The following GRIA3 variants were observed in gnomAD, a reference collection of about 807,000 sequenced individuals.
GRIA3 encodes the protein glutamate ionotropic receptor AMPA type subunit 3, also known as glutamate receptor 3.
Under a neutral mutation model 63.0 loss-of-function variants are expected in GRIA3, and 3 were observed. The observed-to-expected ratio is 0.05, with a 90% CI of 0.02 to 0.12. The LOEUF is 0.12. GRIA3 is among the 10% of genes least tolerant of loss of function. The pLI, the probability that GRIA3 is intolerant of heterozygous loss-of-function variation, is 1.00. For synonymous variants in GRIA3, 274 were observed against 257.9 expected, an observed-to-expected ratio of 1.06 and a Z score of -0.60; for missense variants, 347 against 700.9, an observed-to-expected ratio of 0.50 and a Z score of 5.70.
At chrX:123,283,368 G>A (rs1263694570) in intron 3 of GRIA3, among the ~76,000 whole-genome samples, 1 of 111,272 alleles carries the variant, frequency 9.0e-6, no homozygotes, top group Admixed American at 9.5e-5. Context: ...TCATACCCCA[G>A]TGGCATCTGG....
At chrX:123,204,430 A>C in intron 2 of GRIA3, 1 of 1,161,250 alleles carries the variant, frequency 8.6e-7, no homozygotes, top group East Asian at 3.3e-5. Context: ...GATGAGAACA[A>C]GATCACAAGT....
At chrX:123,389,911 T>G (rs561653177) in intron 5 of GRIA3, among the ~76,000 whole-genome samples, 32 of 111,251 alleles carry the variant, frequency 2.9e-4, no homozygotes, top group African/African-American at 9.8e-4. Flanking sequence ...TTTCACCATG[T>G]TAGCCAGGAT....
intron 3 of GRIA3, among the ~76,000 whole-genome samples, chrX:123,321,742 C>T (rs1319374373): frequency 8.9e-6 from 1 of 112,023 alleles, no homozygotes; most frequent in Non-Finnish European, 1.9e-5. Flanking sequence ...ACAGATGAAT[C>T]CCCCAGAAAT....
intron 3 of GRIA3, among the ~76,000 whole-genome samples, chrX:123,303,628 T>G (rs2044737067): frequency 9.1e-6 from 1 of 110,259 alleles, no homozygotes; most frequent in African/African-American, 3.3e-5. Context: ...TTCTTTGCAA[T>G]AAGGCCATGT....
rs372811132 is a variant in GRIA3 at position 123,398,621 on chromosome X, A to T, written c.913-15A>T. On this transcript the variant is annotated splice_polypyrimidine_tract_variant and intron_variant, in intron 6 of 15. Coordinates refer to ENST00000620443, the MANE Select transcript of GRIA3 (RefSeq NM_007325.5). ...CATTTATCATGATATCTTGTTTTTC[A>T]TGCATCCATTTCAGTATACATCTGC... The T allele has an allele frequency of 8.4e-7, 1 of 1,189,571 alleles. No homozygotes were observed. The highest frequency in any genetic ancestry group is 1.1e-6 in the Non-Finnish European group (1 of 876,204).
At chrX:123,193,632 G>T (rs1025695183) in intron 2 of GRIA3, among the ~76,000 whole-genome samples, 11 of 112,075 alleles carry the variant, frequency 9.8e-5, no homozygotes, top group Admixed American at 3.8e-4. Flanking sequence ...AGTGTCATTT[G>T]AGGATCGCAA....
At chrX:123,207,472 C>T (rs776154600) in intron 2 of GRIA3, among the ~76,000 whole-genome samples, 1 of 111,691 alleles carries the variant, frequency 9.0e-6, no homozygotes, top group African/African-American at 3.3e-5. Flanking sequence ...CAGAGAAGAA[C>T]ACAGCCTGGC....
intron 2 of GRIA3, among the ~76,000 whole-genome samples, chrX:123,193,887 G>A (rs1180934718): frequency 2.7e-5 from 3 of 111,186 alleles, no homozygotes; most frequent in Non-Finnish European, 5.7e-5. Flanking sequence ...AAATGACCCA[G>A]AACAAGATAC....
At chrX:123,476,226 A>G (rs1010252467) in intron 13 of GRIA3, among the ~76,000 whole-genome samples, 4 of 112,077 alleles carry the variant, frequency 3.6e-5, no homozygotes, top group African/African-American at 9.7e-5. Flanking sequence ...CATAGGCATA[A>G]ATAATAAGGC....
chrX:123,418,537 C>T (rs968507119), intron 11 of GRIA3, among the ~76,000 whole-genome samples: 2 of 111,661 alleles, frequency 1.8e-5, no homozygotes, highest in Non-Finnish European at 3.8e-5. Context: ...GAATATATAA[C>T]ACCTCTTACA....
At chrX:123,396,693 T>C (rs898584384) in intron 6 of GRIA3, among the ~76,000 whole-genome samples, 4 of 112,204 alleles carry the variant, frequency 3.6e-5, no homozygotes, top group Non-Finnish European at 7.5e-5. Context: ...TGGAAATGTT[T>C]TCCTGCTTGC....
At chrX:123,226,490 C>T (rs2044247772) in intron 2 of GRIA3, among the ~76,000 whole-genome samples, 1 of 111,348 alleles carries the variant, frequency 9.0e-6, no homozygotes, top group African/African-American at 3.3e-5. Context: ...TCTGAGAGTA[C>T]AGATGGTATA....
chrX:123,357,678 G>A (rs750924667), intron 5 of GRIA3, among the ~76,000 whole-genome samples: 1 of 110,547 alleles, frequency 9.0e-6, no homozygotes, highest in East Asian at 2.8e-4. Context: ...CTAGGACAAC[G>A]TTGGGAAAAA....
At chrX:123,327,835 A>AC (rs5903638) in intron 4 of GRIA3, among the ~76,000 whole-genome samples, 98 of 64,079 alleles carry the variant, frequency 1.5e-3, no homozygotes, top group African/African-American at 6.9e-3. Context: ...TCCCCCCCAC[A>AC]AAAAAAAAAA....
At chrX:123,418,917 A>G (rs1415978654) in intron 11 of GRIA3, among the ~76,000 whole-genome samples, 2 of 112,743 alleles carry the variant, frequency 1.8e-5, no homozygotes, top group African/African-American at 6.4e-5. Context: ...CCTAAGAGAA[A>G]GGAAAACATA....
At chrX:123,246,804 CA>C (rs1215854927) in intron 2 of GRIA3, among the ~76,000 whole-genome samples, 1 of 105,824 alleles carries the variant, frequency 9.4e-6, no homozygotes, top group Non-Finnish European at 1.9e-5. Flanking sequence ...TTATCATCAA[CA>C]TCATCATTTC....
intron 3 of GRIA3, among the ~76,000 whole-genome samples, chrX:123,302,952 G>A (rs922752699): frequency 9.0e-6 from 1 of 111,011 alleles, no homozygotes; most frequent in African/African-American, 3.3e-5. Context: ...CTATGACGTG[G>A]GCTCCCAGAG....
In GRIA3 at chrX:123,406,782, A is replaced by G. The variant is rs145658086; in HGVS notation, c.1500+1868A>G. The stretch of plus-strand genomic sequence containing the variant: ...AGTAAGAAAGAGAAGAATTTCCAAC[A>G]CCAGTGCAGAGAGGGCTGAACAAGG... On this transcript the variant is annotated intron_variant, in intron 10 of 15. Transcript: ENST00000620443. Among the ~76,000 whole-genome samples the G allele has an allele frequency of 5.7e-3, 636 of 111,406 alleles. 3 individuals carry two copies. Among genetic ancestry groups the G allele is most frequent in the African/African-American group, 0.019 (597 of 30,658 alleles).
chrX:123,305,083 T>C (rs1001310582), intron 3 of GRIA3, among the ~76,000 whole-genome samples: 2 of 111,955 alleles, frequency 1.8e-5, no homozygotes, highest in Non-Finnish European at 3.8e-5. Flanking sequence ...ACTCCCCAAG[T>C]AGAGCTAGCA....
Sources: allele counts gnomAD v4.1 joint callset (sites outside exome capture counted in the v4.1 genomes callset), GRCh38; gene constraint gnomAD v4.1.1; transcripts MANE v1.5; gene names NCBI Gene and HGNC (gene_info 2026-07-23, HGNC 2026-07-21).